The following MROH1 variants were observed in gnomAD, a reference collection of about 807,000 sequenced individuals.
The protein encoded by MROH1 is maestro heat-like repeat-containing protein family member 1.
A neutral mutation model predicts 116.5 loss-of-function variants in MROH1; 117 were observed. That is an observed-to-expected ratio of 1.00 (90% CI 0.86 to 1.17). The LOEUF (loss-of-function observed/expected upper bound fraction) is 1.17, where lower values mean the gene tolerates loss of function less well. Ranked by LOEUF, MROH1 falls within the 50% of genes most tolerant of loss-of-function variation. The pLI is 0.00. For missense variants in MROH1, 1,873 were observed against 1,338.5 expected, an observed-to-expected ratio of 1.40 and a Z score of -6.23; for synonymous variants, 921 against 583.9, an observed-to-expected ratio of 1.58 and a Z score of -8.32.
chr8:144,257,054 G>A (rs1475368199), intron 35 of MROH1, among the ~76,000 whole-genome samples: 23 of 152,264 alleles, frequency 1.5e-4, no homozygotes, highest in South Asian at 4.2e-4. Flanking sequence ...CTCCGCCTGC[G>A]GCTGGCCTGG....
intron 4 of MROH1, among the ~76,000 whole-genome samples, chr8:144,170,872 C>G (rs1428419652): frequency 6.6e-6 from 1 of 152,244 alleles, no homozygotes; most frequent in Non-Finnish European, 1.5e-5. Context: ...CAGGGGCCGT[C>G]AGGCCATGGG....
intron 30 of MROH1, 38 bp downstream of exon 30, chr8:144,247,474 GC>G: frequency 1.3e-6 from 1 of 766,226 alleles, no homozygotes; most frequent in African/African-American, 1.7e-5. Flanking sequence ...CAGTGGTCGT[GC>G]AGGGGTGCTT....
At chr8:144,187,899 G>T (rs1415604036) in intron 7 of MROH1, among the ~76,000 whole-genome samples, 1 of 152,202 alleles carries the variant, frequency 6.6e-6, no homozygotes, top group Non-Finnish European at 1.5e-5. Context: ...CGGGAGCCAG[G>T]TGGGGGTGTA....
intron 1 of MROH1, among the ~76,000 whole-genome samples, chr8:144,157,506 G>A (rs1818441344): frequency 6.6e-6 from 1 of 151,858 alleles, no homozygotes; most frequent in South Asian, 2.1e-4. Context: ...TTCCATGTTT[G>A]GTAGAATTCC....
intron 4 of MROH1, among the ~76,000 whole-genome samples, chr8:144,172,710 G>A (rs1822812893): frequency 6.6e-6 from 1 of 152,070 alleles, no homozygotes; most frequent in Non-Finnish European, 1.5e-5. Context: ...TGCCCGGCCA[G>A]TCTAACTCTT....
rs1008195695 is a variant in MROH1, at chr8:144,246,133, G to T, written c.2871+873G>T. 6.1e-3 allele frequency among the ~76,000 whole-genome samples: 856 copies of T among 140,662 alleles called. 5 individuals carry two copies. The highest frequency in any genetic ancestry group is 0.01 in the Non-Finnish European group (665 of 65,972). 92.3% of individuals were successfully genotyped at this position (140,662 alleles called of 152,430 possible). A position where few individuals can be genotyped will look rare whatever the true frequency, so the allele number is the denominator to read the frequency against. ...TTTCCTTTCTTTCCTTTCTGAGACC[G>T]AGTCTCTCGCTCTCACCCAGGCTGG... On this transcript the variant is annotated intron_variant, in intron 29 of 43. Coordinates refer to ENST00000326134, the MANE Select transcript of MROH1 (RefSeq NM_032450.3).
Position 144,260,389 on chromosome 8 carries a change from G to C in MROH1, c.4380+15G>C. On this transcript the variant is annotated intron_variant, in intron 39 of 43. Coordinates refer to ENST00000326134, the MANE Select transcript of MROH1 (RefSeq NM_032450.3). ...TCTTCGACAGTGTAGGCTGGTTGGG[G>C]CAGGGGGAGGGAAGAGGGCCCCAGC... 1 of 709,612 alleles carries C rather than the reference G, an allele frequency of 1.4e-6. No homozygotes were observed. The highest frequency in any genetic ancestry group is 2.6e-6 in the Non-Finnish European group (1 of 388,544). 44.0% of individuals were successfully genotyped at this position (709,612 alleles called of 1,614,324 possible). A position where few individuals can be genotyped will look rare whatever the true frequency, so the allele number is the denominator to read the frequency against.
At chr8:144,225,914 T>TTG (rs1383671263) in intron 14 of MROH1, among the ~76,000 whole-genome samples, 10 of 140,464 alleles carry the variant, frequency 7.1e-5, no homozygotes, top group Admixed American at 7.1e-4. Flanking sequence ...TTTTTAGTTT[T>TTG]TTTTTTTTTT....
chr8:144,242,307 G>A (rs1841149241), intron 22 of MROH1, 62 bp from the exon 23 acceptor site: 1 of 779,684 alleles, frequency 1.3e-6, no homozygotes, highest in African/African-American at 1.7e-5. Flanking sequence ...TCTGAGCCGA[G>A]GATTCCCGTC....
intron 31 of MROH1, 66 bp downstream of exon 31, chr8:144,247,745 G>A (rs961823288): frequency 1.8e-5 from 13 of 706,568 alleles, no homozygotes; most frequent in East Asian, 2.7e-5. Context: ...AGGGACTTCC[G>A]AGGTGGCACC....
At chr8:144,190,651 T>G (rs1308671593) in intron 7 of MROH1, 133 bp from the exon 8 acceptor site, 1 of 1,026,298 alleles carries the variant, frequency 9.7e-7, no homozygotes, top group African/African-American at 1.6e-5. Flanking sequence ...TGGAGTTGTG[T>G]GCTTGGCTGG....
chr8:144,257,492 G>A (rs967954478), intron 35 of MROH1, among the ~76,000 whole-genome samples: 8 of 152,264 alleles, frequency 5.3e-5, no homozygotes, highest in East Asian at 1.9e-4. Flanking sequence ...CATTCCTGCC[G>A]GCATCACCAG....
At chr8:144,230,806 T>C (rs868971090) in intron 14 of MROH1, among the ~76,000 whole-genome samples, 14 of 140,942 alleles carry the variant, frequency 9.9e-5, no homozygotes, top group African/African-American at 2.9e-4. Flanking sequence ...GGTTTTCTTT[T>C]TTTTTTTTTT....
At chr8:144,248,754 G>GC (rs1842340312) in intron 31 of MROH1, 123 bp from the exon 32 acceptor site, 7 of 701,070 alleles carry the variant, frequency 1.0e-5, no homozygotes, top group African/African-American at 1.8e-5. Flanking sequence ...AGCGGCTGGG[G>GC]CCCGGCTGCA....
At chr8:144,258,995 C>A in intron 36 of MROH1, 81 bp downstream of exon 36, 1 of 653,630 alleles carries the variant, frequency 1.5e-6, no homozygotes, top group Admixed American at 2.2e-5. Flanking sequence ...CAGGATCAGG[C>A]GGGGGCCCAT....
At position 144,241,031 on chromosome 8, in the gene MROH1, G is replaced by A. The variant is rs1840886793; in HGVS notation, c.1975G>A (p.Ala659Thr). Residue 659 changes from alanine to threonine, a missense_variant, in exon 21 of 44, where the codon GCT (alanine) becomes ACT (threonine). Coordinates refer to ENST00000326134, the MANE Select transcript of MROH1 (RefSeq NM_032450.3). The part of the protein sequence containing the change: ...YKCIGTTLGA[A>T]SSKEVVRKHL... ...ATGCATAGGCACCACCCTGGGTGCT[G>A]CTTCAAGTAAGGAGGTGGTGAGGAA... The A allele has an allele frequency of 2.6e-6, 2 of 774,106 alleles. No individual in the cohort carries two copies. The highest frequency in any genetic ancestry group is 3.5e-5 in the Admixed American group (2 of 57,966). The allele number at this position is 774,106 out of a possible 1,614,324, so 48.0% of individuals were successfully genotyped here. A position where few individuals can be genotyped will look rare whatever the true frequency, so the allele number is the denominator to read the frequency against.
intron 14 of MROH1, among the ~76,000 whole-genome samples, chr8:144,224,626 A>G (rs1297387220): frequency 6.6e-6 from 1 of 152,204 alleles, no homozygotes; most frequent in Admixed American, 6.5e-5. Flanking sequence ...CTCAGTCTCC[A>G]TTGCTTGATG....
Position 144,191,705 on chromosome 8 carries a change from C to T in MROH1, c.715-10C>T, listed in dbSNP as rs1241790696. The stretch of plus-strand genomic sequence containing the variant: ...GCAGCGTAAGCTTCCCGCCCACTGT[C>T]CCCTCTCAGCTCCGTCTTGCCGTGG... On this transcript the variant is annotated splice_polypyrimidine_tract_variant and intron_variant, in intron 8 of 43. Coordinates refer to ENST00000326134, the MANE Select transcript of MROH1 (RefSeq NM_032450.3). 6.2e-7 allele frequency: 1 copy of T among 1,611,838 alleles called. No homozygotes were observed. The highest frequency in any genetic ancestry group is 1.3e-5 in the African/African-American group (1 of 74,900).
intron 4 of MROH1, among the ~76,000 whole-genome samples, chr8:144,171,122 G>A (rs920848992): frequency 3.9e-5 from 6 of 152,172 alleles, no homozygotes; most frequent in Admixed American, 6.5e-5. Flanking sequence ...CCTGGAGGTC[G>A]CGTCAGATCT....
Sources: gnomAD v4.1 joint callset for allele counts (sites outside exome capture counted in the v4.1 genomes callset) on GRCh38, gnomAD v4.1.1 for gene constraint, MANE v1.5 for transcripts, NCBI Gene and HGNC (gene_info 2026-07-23, HGNC 2026-07-21) for gene names.